The following TFB1M variants were observed in gnomAD, a reference collection of about 807,000 sequenced individuals.
TFB1M encodes the protein transcription factor B1, mitochondrial.
TFB1M carries 27 observed loss-of-function variants against 31.1 expected under a neutral mutation model. The ratio of observed to expected loss-of-function variants is 0.87; its 90% confidence interval spans 0.64 to 1.20. The LOEUF is 1.20. Among genes scored for constraint, TFB1M ranks in the 50% most tolerant of loss-of-function variants. The pLI, the probability that TFB1M is intolerant of heterozygous loss-of-function variation, is 0.00. For missense variants in TFB1M, 394 were observed against 418.7 expected (o/e 0.94, Z 0.51); for synonymous variants, 166 against 151.8 (o/e 1.09, Z -0.69).
intron 5 of TFB1M, among the ~76,000 whole-genome samples, chr6:155,262,569 G>A (rs1313125869): frequency 6.6e-6 from 1 of 152,108 alleles, no homozygotes. Context: ...CTTACTAGCA[G>A]CCTGCTAGTC....
rs760856634 is a variant in TFB1M at position 155,311,231 on chromosome 6, A to C, written c.242T>G (p.Leu81Arg). 1.9e-6 allele frequency: 3 copies of C among 1,614,154 alleles called. No individual in the cohort carries two copies. The highest frequency in any genetic ancestry group is 2.5e-6 in the Non-Finnish European group (3 of 1,179,986). ...TCGAGTGTCCTTTTCAACCACCAGA[A>C]GTTCAGCGACGTCGGCATTAAGAAT... is the stretch of plus-strand genomic sequence containing the variant. ...RSILNADVAE[L>R]LVVEKDTRFI... Residue 81 changes from leucine (L) to arginine (R), a missense_variant, in exon 2 of 7, where the codon CTT becomes CGT. Physicochemically the swap from Leu to Arg is moderately radical, Grantham distance 102. Transcript: ENST00000367166.
At chr6:155,238,241 C>G in the TFB1M span, among the ~76,000 whole-genome samples, 2 of 152,230 alleles carry the variant, frequency 1.3e-5, no homozygotes, top group Non-Finnish European at 2.9e-5. Flanking sequence ...CAGTTCCCAA[C>G]AAGTTCCTCA....
chr6:155,245,502 G>C, the TFB1M span: 1 of 820,442 alleles, frequency 1.2e-6, no homozygotes, highest in South Asian at 1.7e-5. Flanking sequence ...GAGCAGGTTT[G>C]AACTTCTCCA....
At chr6:155,240,358 G>A in the TFB1M span, among the ~76,000 whole-genome samples, 1 of 152,192 alleles carries the variant, frequency 6.6e-6, no homozygotes, top group Admixed American at 6.5e-5. Context: ...TCCTTACTCA[G>A]ATCCGAAATG....
At chr6:155,265,464 A>C (rs4869850) in intron 5 of TFB1M, among the ~76,000 whole-genome samples, 96,453 of 151,672 alleles carry the variant, frequency 0.64, 31,426 homozygotes, top group East Asian at 0.98. Context: ...GTACATTCGT[A>C]TATTCATAGC....
intron 4 of TFB1M, among the ~76,000 whole-genome samples, chr6:155,294,594 A>G (rs162965): frequency 0.71 from 108,195 of 152,130 alleles, 38,865 homozygotes; most frequent in East Asian, 0.98. Context: ...CAGCAAGGAC[A>G]AAAGAAAACA....
intron 4 of TFB1M, among the ~76,000 whole-genome samples, chr6:155,292,534 T>C (rs1412875944): frequency 6.6e-6 from 1 of 151,890 alleles, no homozygotes; most frequent in African/African-American, 2.4e-5. Context: ...GTACTGGGGC[T>C]CAACGAGCCC....
intron 2 of TFB1M, chr6:155,303,210 A>G (rs558765954): frequency 2.0e-5 from 3 of 152,328 alleles, no homozygotes; most frequent in African/African-American, 7.2e-5. Context: ...CCTTAGGCCA[A>G]TGTATAGGGA....
At chr6:155,254,740 T>C, downstream of TFB1M, 1 of 802,656 alleles carries the variant, frequency 1.2e-6, no homozygotes. Flanking sequence ...GACGTTCTAC[T>C]GTAAAATACA....
In TFB1M at chr6:155,285,223, G is replaced by A. The variant is rs1347650752; in HGVS notation, c.601C>T (p.Gln201Ter). Residue 201 changes from glutamine (Q) to a stop codon, truncating the protein, a stop_gained, in exon 5 of 7, where the codon CAG becomes TAG. Transcript: ENST00000367166. LOFTEE classifies it high-confidence loss of function. ...KQRSRLSVMA[Q>*]YLCNVRHIFT... Reference sequence around the variant, plus strand: ...ATGTGTCGAACATTGCAGAGGTACTGAGCCATAACAGAGAGGCGACTACGC... The same window carrying A: ...ATGTGTCGAACATTGCAGAGGTACTAAGCCATAACAGAGAGGCGACTACGC... 2 of 1,614,036 alleles carry A rather than the reference G, an allele frequency of 1.2e-6. No individual in the cohort carries two copies. Among genetic ancestry groups the A allele is most frequent in the East Asian group, 2.2e-5 (1 of 44,872 alleles).
At position 155,275,859 on chromosome 6, in the gene TFB1M, T is replaced by C. The variant is rs1785173553; in HGVS notation, c.666+9299A>G. 3 of 1,614,044 alleles carry C rather than the reference T, an allele frequency of 1.9e-6. No individual in the cohort carries two copies. The South Asian group carries it at 3.3e-5, about 18-fold the overall frequency. On this transcript the variant is annotated intron_variant, in intron 5 of 6. Transcript: ENST00000367166. ...AACATCATAACAGCCATTGTACAGC[T>C]GCACGGGCTCTGGATGGACTGTACG...
At chr6:155,242,450 C>G in the TFB1M span, among the ~76,000 whole-genome samples, 1 of 152,174 alleles carries the variant, frequency 6.6e-6, no homozygotes, top group Non-Finnish European at 1.5e-5. Context: ...CTTCTCTGAG[C>G]GGTCTGGCGT....
At chr6:155,293,376 T>C (rs1777019442) in intron 4 of TFB1M, among the ~76,000 whole-genome samples, 1 of 152,250 alleles carries the variant, frequency 6.6e-6, no homozygotes, top group Non-Finnish European at 1.5e-5. Flanking sequence ...CTTTCTAGTC[T>C]AGTAATTGCT....
chr6:155,250,938 T>C, the TFB1M span: 1 of 1,614,218 alleles, frequency 6.2e-7, no homozygotes, highest in Admixed American at 1.7e-5. Flanking sequence ...ATGGGAGAGC[T>C]TCTGATGCAC....
intron 1 of TFB1M, chr6:155,314,067 C>T: frequency 1.4e-6 from 2 of 1,413,972 alleles, no homozygotes; most frequent in Non-Finnish European, 9.2e-7. Flanking sequence ...TGCAGCCTGC[C>T]GGCAGGCTAC....
At chr6:155,269,276 T>C (rs978402167) in intron 5 of TFB1M, among the ~76,000 whole-genome samples, 6 of 151,430 alleles carry the variant, frequency 4.0e-5, no homozygotes, top group Non-Finnish European at 8.8e-5. Context: ...TTTATGGCCT[T>C]AGTCAAAAGT....
intron 5 of TFB1M, among the ~76,000 whole-genome samples, chr6:155,282,466 T>C: frequency 6.6e-6 from 1 of 152,264 alleles, no homozygotes; most frequent in Non-Finnish European, 1.5e-5. Flanking sequence ...CAAAAGAAAT[T>C]CTCTATATCT....
downstream of TFB1M, chr6:155,254,548 C>T (rs114842836): frequency 2.0e-4 from 317 of 1,612,980 alleles, no homozygotes; most frequent in Non-Finnish European, 2.6e-4. Context: ...CTCTTAAGAA[C>T]CGAGTTCCTG....
the TFB1M span, among the ~76,000 whole-genome samples, chr6:155,234,569 A>AT: frequency 1.1e-4 from 17 of 151,582 alleles, no homozygotes; most frequent in East Asian, 7.8e-4. Flanking sequence ...TGGCCGGCTA[A>AT]TTTTTTTTTA....
Sources: gnomAD v4.1 joint callset for allele counts (sites outside exome capture counted in the v4.1 genomes callset) on GRCh38, gnomAD v4.1.1 for gene constraint, MANE v1.5 for transcripts, NCBI Gene and HGNC (gene_info 2026-07-23, HGNC 2026-07-21) for gene names.